Variants in SEL1L observed in about 807,000 individuals in gnomAD.
SEL1L encodes the protein protein sel-1 homolog 1.
SEL1L carries 52 observed loss-of-function variants against 109.8 expected under a neutral mutation model. The ratio of observed to expected loss-of-function variants is 0.47; its 90% confidence interval spans 0.38 to 0.60. The LOEUF (loss-of-function observed/expected upper bound fraction) is 0.60, where lower values mean the gene tolerates loss of function less well. Ranked by LOEUF, SEL1L falls within the 20% of genes least tolerant of loss-of-function variation. SEL1L has a pLI of 0.00. For synonymous variants in SEL1L, 373 were observed against 339.6 expected (o/e 1.10, Z -1.08); for missense variants, 749 against 962.2 (o/e 0.78, Z 2.93).
intron 6 of SEL1L, 95 bp from the exon 7 acceptor site, chr14:81,499,757 G>T: frequency 1.1e-6 from 1 of 887,068 alleles, no homozygotes; most frequent in Non-Finnish European, 1.7e-6. Context: ...ATGAAAAAAT[G>T]CAAGAGTCTT....
At chr14:81,531,479 C>T (rs1885320568) in intron 1 of SEL1L, among the ~76,000 whole-genome samples, 1 of 152,046 alleles carries the variant, frequency 6.6e-6, no homozygotes, top group Non-Finnish European at 1.5e-5. Flanking sequence ...ACTTTGAGGC[C>T]GAAACCCTGT....
At position 81,502,862 on chromosome 14, in the gene SEL1L, C is replaced by T. The variant is rs1353004244; in HGVS notation, c.636G>A (p.Lys212=). 4.3e-6 allele frequency: 7 copies of T among 1,612,334 alleles called. No individual in the cohort carries two copies. The highest frequency in any genetic ancestry group is 5.9e-6 in the Non-Finnish European group (7 of 1,179,254). ...QKREAYRYLQ[K]AASMNHTKAL... Reference sequence around the variant, plus strand: ...CTTTGGTATGGTTCATGCTTGCTGCCTTTTGGAGATACCGATATGCTCTTC... The same window carrying T: ...CTTTGGTATGGTTCATGCTTGCTGCTTTTTGGAGATACCGATATGCTCTTC... Residue 212 remains lysine, a synonymous_variant, in exon 6 of 21, where the codon AAG becomes AAA. Transcript: ENST00000336735.
At chr14:81,495,493 C>T (rs1400027645) in intron 10 of SEL1L, among the ~76,000 whole-genome samples, 3 of 152,114 alleles carry the variant, frequency 2.0e-5, no homozygotes, top group South Asian at 2.1e-4. Flanking sequence ...AAAAATTAGC[C>T]GGGCGTGGTA....
At chr14:81,528,214 T>C (rs1017903093) in intron 1 of SEL1L, among the ~76,000 whole-genome samples, 2 of 152,166 alleles carry the variant, frequency 1.3e-5, no homozygotes, top group African/African-American at 4.8e-5. Context: ...ACTACTATAG[T>C]AAGGATGGAA....
intron 18 of SEL1L, among the ~76,000 whole-genome samples, chr14:81,484,692 C>T (rs995729940): frequency 1.6e-4 from 25 of 152,118 alleles, no homozygotes; most frequent in Non-Finnish European, 3.7e-4. Context: ...TGAAATGCTC[C>T]AAAACCTGAA....
intron 19 of SEL1L, among the ~76,000 whole-genome samples, chr14:81,483,329 TCAA>T (rs967613762): frequency 1.3e-5 from 2 of 152,236 alleles, no homozygotes; most frequent in Admixed American, 1.3e-4. Context: ...GTAGATTTGA[TCAA>T]CAATGCATTA....
intron 3 of SEL1L, among the ~76,000 whole-genome samples, chr14:81,519,065 C>T (rs146901239): frequency 6.6e-6 from 1 of 152,334 alleles, no homozygotes; most frequent in African/African-American, 2.4e-5. Context: ...ACCTGCTTTC[C>T]TTCTGCAAGT....
At chr14:81,531,828 C>G (rs1056175001) in intron 1 of SEL1L, among the ~76,000 whole-genome samples, 9 of 152,298 alleles carry the variant, frequency 5.9e-5, no homozygotes, top group Admixed American at 1.3e-4. Flanking sequence ...CAGGTATGAG[C>G]TGGGCCCGCA....
chr14:81,503,268 C>G (rs746349676), intron 5 of SEL1L, among the ~76,000 whole-genome samples: 3 of 152,208 alleles, frequency 2.0e-5, no homozygotes, highest in Non-Finnish European at 4.4e-5. Context: ...TGAGCCACCA[C>G]GCCTAGCCAC....
rs937942279 is a variant in SEL1L at position 81,494,971 on chromosome 14, G to A, written c.1185+110C>T. ...CATCTTGAAAGCTCATTTGTGATGGGTGTTTAAATGACAGAAGTTTGATAC... is the reference window on the plus strand; with the variant it reads ...CATCTTGAAAGCTCATTTGTGATGGATGTTTAAATGACAGAAGTTTGATAC... On this transcript the variant is annotated intron_variant, in intron 11 of 20. Coordinates refer to ENST00000336735, the MANE Select transcript of SEL1L (RefSeq NM_005065.6). 9 of 1,000,572 alleles carry A rather than the reference G, an allele frequency of 9.0e-6. No homozygotes were observed. The African/African-American group carries it at 1.5e-4, about 16-fold the overall frequency. The allele number at this position is 1,000,572 out of a possible 1,614,324, so 62.0% of individuals were successfully genotyped here. A position where few individuals can be genotyped will look rare whatever the true frequency, so the allele number is the denominator to read the frequency against.
At chr14:81,513,276 C>T (rs1884561812) in intron 3 of SEL1L, among the ~76,000 whole-genome samples, 1 of 152,196 alleles carries the variant, frequency 6.6e-6, no homozygotes, top group Non-Finnish European at 1.5e-5. Flanking sequence ...CAGTGGCAAC[C>T]CCCTCGGGTC....
At chr14:81,487,032 T>A (rs541078423) in intron 16 of SEL1L, among the ~76,000 whole-genome samples, 1 of 151,610 alleles carries the variant, frequency 6.6e-6, no homozygotes, top group Non-Finnish European at 1.5e-5. Flanking sequence ...CTCAAACTCC[T>A]GGGCTCAAGC....
In SEL1L at chr14:81,484,288, T is replaced by C. The variant is rs1432937303; in HGVS notation, c.1983A>G (p.Gln661=). 3.7e-6 allele frequency: 6 copies of C among 1,614,068 alleles called. No individual in the cohort carries two copies. Among genetic ancestry groups the C allele is most frequent in the Non-Finnish European group, 5.1e-6 (6 of 1,180,012 alleles). Residue 661 remains glutamine (Q), a synonymous_variant, in exon 19 of 21, where the codon CAA becomes CAG. Coordinates refer to ENST00000336735, the MANE Select transcript of SEL1L (RefSeq NM_005065.6). ...FIHYRLASEQ[Q]HSAQAMFNLG... ...GATTAAACATAGCTTGTGCACTGTGTTGCTGCTCAGAAGCCAGACGGTAAT... is the reference window on the plus strand; with the variant it reads ...GATTAAACATAGCTTGTGCACTGTGCTGCTGCTCAGAAGCCAGACGGTAAT...
At chr14:81,483,530 T>C (rs1392399419) in intron 19 of SEL1L, among the ~76,000 whole-genome samples, 2 of 152,146 alleles carry the variant, frequency 1.3e-5, no homozygotes, top group African/African-American at 2.4e-5. Context: ...GTAGAAAACA[T>C]AAATTTAGGG....
Position 81,474,864 on chromosome 14 carries a change from C to T in SEL1L, c.*2108G>A, listed in dbSNP as rs999765108. ...GTGTGTTTTTATATGAACAACAAGA[C>T]TGCACTTTCCCATCCAGCCTTAGGT... On this transcript the variant is annotated 3_prime_UTR_variant, in exon 21 of 21. Transcript: ENST00000336735. 1.3e-5 allele frequency: 2 copies of T among 152,172 alleles called. No homozygotes were observed. The highest frequency in any genetic ancestry group is 6.5e-5 in the Admixed American group (1 of 15,272). The allele number at this position is 152,172 out of a possible 1,614,324, so 9.4% of individuals were successfully genotyped here.
intron 3 of SEL1L, among the ~76,000 whole-genome samples, chr14:81,525,434 A>G (rs994447550): frequency 1.3e-5 from 2 of 152,110 alleles, no homozygotes; most frequent in Non-Finnish European, 2.9e-5. Flanking sequence ...AAAAAAAAAA[A>G]AAAATCCCTA....
At chr14:81,525,420 T>TAA (rs376907456) in intron 3 of SEL1L, among the ~76,000 whole-genome samples, 3,626 of 75,372 alleles carry the variant, frequency 0.048, 156 homozygotes, top group African/African-American at 0.16. Context: ...ATATAAAAAC[T>TAA]AAAAAAAAAA....
intron 9 of SEL1L, 41 bp downstream of exon 9, chr14:81,498,368 CATTT>C (rs1883862035): frequency 6.9e-7 from 1 of 1,451,218 alleles, no homozygotes. Flanking sequence ...AAGTTAATTC[CATTT>C]ATTTTTTTTT....
chr14:81,486,554 CT>C, intron 16 of SEL1L, 100 bp from the exon 17 acceptor site: 1 of 1,123,258 alleles, frequency 8.9e-7, no homozygotes, highest in Non-Finnish European at 1.2e-6. Context: ...ATTAAGCTTG[CT>C]CCTTCAATTT....
Sources: allele counts gnomAD v4.1 joint callset (sites outside exome capture counted in the v4.1 genomes callset), GRCh38; gene constraint gnomAD v4.1.1; transcripts MANE v1.5; gene names NCBI Gene and HGNC (gene_info 2026-07-23, HGNC 2026-07-21).